The following ACYP2 variants were observed in gnomAD, a reference collection of about 807,000 sequenced individuals.
ACYP2 encodes the protein acylphosphatase-2.
ACYP2 carries 12 observed loss-of-function variants against 11.2 expected under a neutral mutation model. That is an observed-to-expected ratio of 1.08 (90% confidence interval 0.69 to 1.74). The LOEUF (loss-of-function observed/expected upper bound fraction) is 1.74, where lower values mean the gene tolerates loss of function less well. ACYP2 is among the 40% of genes most tolerant of loss of function. The probability of loss-of-function intolerance (pLI) is 0.00; values close to 1 mark genes in which losing one functional copy is unlikely to be tolerated. For synonymous variants in ACYP2, 43 were observed against 32.2 expected (o/e 1.33, Z -1.13); for missense variants, 134 against 101.9 (o/e 1.31, Z -1.35).
intron 4 of ACYP2, among the ~76,000 whole-genome samples, chr2:54,130,417 G>A (rs534471360): frequency 7.2e-5 from 11 of 152,320 alleles, no homozygotes; most frequent in African/African-American, 2.2e-4. Flanking sequence ...GGGGGCTGTG[G>A]CAACCAGAAT....
chr2:54,107,921 C>A (rs1173629817), intron 4 of ACYP2, among the ~76,000 whole-genome samples: 1 of 152,204 alleles, frequency 6.6e-6, no homozygotes, highest in African/African-American at 2.4e-5. Flanking sequence ...GTTGCTATAG[C>A]TGCTGGATTC....
intron 2 of ACYP2, among the ~76,000 whole-genome samples, chr2:54,041,095 T>C (rs762056731): frequency 5.8e-5 from 6 of 103,352 alleles, no homozygotes; most frequent in East Asian, 3.9e-4. Flanking sequence ...CTCTCTCTCT[T>C]TCTTTCTTTC....
At chr2:54,069,486 C>T (rs1309948635) in intron 4 of ACYP2, among the ~76,000 whole-genome samples, 1 of 151,910 alleles carries the variant, frequency 6.6e-6, no homozygotes. Context: ...CACGGTGAAA[C>T]CCTGTCTCTA....
chr2:54,155,744 A>G (rs1330671117), intron 6 of ACYP2, among the ~76,000 whole-genome samples: 4 of 152,194 alleles, frequency 2.6e-5, no homozygotes, highest in Non-Finnish European at 4.4e-5. Context: ...GCTGCATCCC[A>G]TAAGTTTTGG....
chr2:54,101,502 C>A (rs980060390), intron 4 of ACYP2, among the ~76,000 whole-genome samples: 1 of 152,036 alleles, frequency 6.6e-6, no homozygotes, highest in African/African-American at 2.4e-5. Flanking sequence ...AACCCCGTCT[C>A]TACTAAAAAT....
chr2:54,235,271 A>C (rs1387343275), intron 6 of ACYP2, among the ~76,000 whole-genome samples: 2 of 142,980 alleles, frequency 1.4e-5, no homozygotes, highest in African/African-American at 2.6e-5. Context: ...GAATTTATAT[A>C]AGACAGGTTT....
intron 6 of ACYP2, among the ~76,000 whole-genome samples, chr2:54,261,169 G>T (rs1687760570): frequency 6.6e-6 from 1 of 152,140 alleles, no homozygotes; most frequent in African/African-American, 2.4e-5. Context: ...TATTCTTTGA[G>T]TTCATTGTGA....
chr2:54,113,034 G>A (rs137872787), intron 4 of ACYP2, among the ~76,000 whole-genome samples: 2 of 152,268 alleles, frequency 1.3e-5, no homozygotes, highest in African/African-American at 4.8e-5. Flanking sequence ...TTATCTGCAG[G>A]GGATTGGTTC....
rs1481818899 is a variant in ACYP2, at chr2:54,119,209, T to C, written c.278-16244T>C. Among the ~76,000 whole-genome samples, 4 of 151,906 alleles carry C rather than the reference T, an allele frequency of 2.6e-5. No individual in the cohort carries two copies. The East Asian group carries it at 7.7e-4, about 29-fold the overall frequency. On this transcript the variant is annotated intron_variant, in intron 4 of 6. Coordinates refer to ENST00000607452, the MANE Select transcript of ACYP2 (RefSeq NM_001320586.2). ...TTGGGACTACAGGCATGAGTCACCA[T>C]GCCCAGCTAACTTTTTAATTTTTCC...
intron 2 of ACYP2, among the ~76,000 whole-genome samples, chr2:53,983,201 A>G (rs1008992191): frequency 6.6e-6 from 1 of 152,180 alleles, no homozygotes. Flanking sequence ...GATGATTAGA[A>G]ATGATTCAGC....
chr2:54,033,263 C>A (rs954781748), intron 2 of ACYP2, among the ~76,000 whole-genome samples: 3 of 151,178 alleles, frequency 2.0e-5, no homozygotes, highest in African/African-American at 7.3e-5. Flanking sequence ...AGTGGTCTAA[C>A]CAAGGCTCAC....
intron 6 of ACYP2, among the ~76,000 whole-genome samples, chr2:54,301,745 A>G (rs1317041850): frequency 2.6e-5 from 4 of 152,128 alleles, no homozygotes; most frequent in Admixed American, 2.6e-4. Flanking sequence ...AAATTTTGTG[A>G]CTATTTTTTT....
intron 2 of ACYP2, among the ~76,000 whole-genome samples, chr2:54,004,141 G>C (rs1672938368): frequency 6.6e-6 from 1 of 151,892 alleles, no homozygotes; most frequent in African/African-American, 2.4e-5. Flanking sequence ...GCGCCGCCAT[G>C]CCCAGCTAAT....
intron 2 of ACYP2, among the ~76,000 whole-genome samples, chr2:54,039,871 T>TGTG (rs1553359354): frequency 7.1e-5 from 5 of 70,000 alleles, no homozygotes; most frequent in Non-Finnish European, 9.8e-5. Flanking sequence ...GTGTGTGTGT[T>TGTG]TTGAGACAGG....
chr2:54,144,673 C>CAA (rs60045228), intron 6 of ACYP2, among the ~76,000 whole-genome samples: 2,494 of 113,202 alleles, frequency 0.022, 40 homozygotes, highest in Non-Finnish European at 0.029. Context: ...GACTCTGTCT[C>CAA]AAAAAAAAAA....
Position 54,100,480 on chromosome 2 carries a change from AT to A in ACYP2, c.278-34962del, listed in dbSNP as rs765168651. ...ACCACACCTGGCTAATTAAAAAAAG[AT>A]TTTTTTTTTTAGAGATATGGTCTCC... On this transcript the variant is annotated intron_variant, in intron 4 of 6. Coordinates refer to ENST00000607452, the MANE Select transcript of ACYP2 (RefSeq NM_001320586.2). Among the ~76,000 whole-genome samples the A allele has an allele frequency of 8.5e-3, 1,237 of 145,884 alleles. 4 individuals carry two copies. The highest frequency in any genetic ancestry group is 0.012 in the Non-Finnish European group (803 of 65,854).
intron 4 of ACYP2, among the ~76,000 whole-genome samples, chr2:54,098,943 G>A (rs1360962770): frequency 1.3e-5 from 2 of 152,036 alleles, no homozygotes; most frequent in South Asian, 2.1e-4. Flanking sequence ...GCCCAGGCTT[G>A]GTCTCAAACT....
chr2:54,037,655 C>A (rs1174698440), intron 2 of ACYP2, among the ~76,000 whole-genome samples: 1 of 151,962 alleles, frequency 6.6e-6, no homozygotes, highest in Non-Finnish European at 1.5e-5. Flanking sequence ...TGATCCTCCC[C>A]CCTCACCCTC....
At chr2:54,154,820 A>G (rs1682359712) in intron 6 of ACYP2, among the ~76,000 whole-genome samples, 1 of 152,194 alleles carries the variant, frequency 6.6e-6, no homozygotes, top group South Asian at 2.1e-4. Flanking sequence ...ATCCTCTTCG[A>G]TTTTTTGGAA....
Sources: gnomAD v4.1 joint callset for allele counts (sites outside exome capture counted in the v4.1 genomes callset) on GRCh38, gnomAD v4.1.1 for gene constraint, MANE v1.5 for transcripts, NCBI Gene and HGNC (gene_info 2026-07-23, HGNC 2026-07-21) for gene names.